Variants in KCNMA1 observed in about 807,000 individuals in gnomAD.
KCNMA1 encodes potassium calcium-activated channel subfamily M alpha 1, also known as Calcium-activated potassium channel subunit alpha-1.
A neutral mutation model predicts 140.0 loss-of-function variants in KCNMA1; 29 were observed. That is an observed-to-expected ratio of 0.21 (90% CI 0.15 to 0.28). The LOEUF (loss-of-function observed/expected upper bound fraction) is 0.28. Among genes scored for constraint, KCNMA1 ranks in the 10% least tolerant of loss-of-function variants. The probability of loss-of-function intolerance (pLI) is 1.00; values close to 1 mark genes in which losing one functional copy is unlikely to be tolerated. For missense variants in KCNMA1, 880 were observed against 1,602.2 expected, an observed-to-expected ratio of 0.55 and a Z score of 7.70; for synonymous variants, 612 against 611.9, an observed-to-expected ratio of 1.00 and a Z score of 0.00.
At chr10:76,997,287 T>G (rs1309100877) in intron 19 of KCNMA1, among the ~76,000 whole-genome samples, 3 of 152,214 alleles carry the variant, frequency 2.0e-5, no homozygotes, top group African/African-American at 7.2e-5. Flanking sequence ...ATAAAAGTCA[T>G]GTGTAATTTA....
chr10:77,296,171 G>A (rs1264296621), intron 2 of KCNMA1, among the ~76,000 whole-genome samples: 1 of 152,158 alleles, frequency 6.6e-6, no homozygotes, highest in Admixed American at 6.5e-5. Flanking sequence ...TTATCCAGGT[G>A]GGCCCACTGT....
At chr10:77,253,429 C>T (rs565983060) in intron 2 of KCNMA1, among the ~76,000 whole-genome samples, 6 of 152,338 alleles carry the variant, frequency 3.9e-5, no homozygotes, top group African/African-American at 1.2e-4. Context: ...AAATCTAAGA[C>T]CCCTGCAATG....
chr10:77,283,762 G>A (rs1313984919), intron 2 of KCNMA1, among the ~76,000 whole-genome samples: 1 of 152,162 alleles, frequency 6.6e-6, no homozygotes, highest in Non-Finnish European at 1.5e-5. Flanking sequence ...CTGCTTTCAG[G>A]GAACTTAACA....
At chr10:77,461,774 T>G (rs2097873763) in intron 1 of KCNMA1, among the ~76,000 whole-genome samples, 1 of 152,226 alleles carries the variant, frequency 6.6e-6, no homozygotes, top group African/African-American at 2.4e-5. Flanking sequence ...GTTGACCCTG[T>G]GTGCTTTGTC....
Position 77,018,994 on chromosome 10 carries a change from G to A in KCNMA1, c.2015+19C>T, listed in dbSNP as rs1435353853. ...TACAGCCGGGCCAGAAAGAAAGCCAGTTGAAAATAAACTCTTACCTTTTAA... is the reference window on the plus strand; with the variant it reads ...TACAGCCGGGCCAGAAAGAAAGCCAATTGAAAATAAACTCTTACCTTTTAA... On this transcript the variant is annotated intron_variant, in intron 17 of 27. Transcript: ENST00000286628. 1.4e-6 allele frequency: 2 copies of A among 1,435,316 alleles called. No individual in the cohort carries two copies. The highest frequency in any genetic ancestry group is 1.7e-5 in the Admixed American group (1 of 59,684). The allele number at this position is 1,435,316 out of a possible 1,614,324, so 88.9% of individuals were successfully genotyped here. A position where few individuals can be genotyped will look rare whatever the true frequency, so the allele number is the denominator to read the frequency against.
chr10:77,176,096 T>C (rs2098749550), intron 5 of KCNMA1, among the ~76,000 whole-genome samples: 2 of 152,108 alleles, frequency 1.3e-5, no homozygotes, highest in African/African-American at 4.8e-5. Flanking sequence ...CAGGTGGCCT[T>C]GGGCCCAGAT....
At chr10:77,239,691 C>T (rs955762134) in intron 3 of KCNMA1, among the ~76,000 whole-genome samples, 3 of 152,156 alleles carry the variant, frequency 2.0e-5, no homozygotes, top group Non-Finnish European at 2.9e-5. Flanking sequence ...TAAGCTCAGA[C>T]GCTACCTATC....
chr10:77,439,127 GAAGAGAAGAGAAGAGAAGAGAA>G (rs2097333043), intron 1 of KCNMA1, among the ~76,000 whole-genome samples: 1 of 145,596 alleles, frequency 6.9e-6, no homozygotes, highest in African/African-American at 2.6e-5. Context: ...GAAGAGAAGA[GAAGAGAAGAGAAGAGAAGAGAA>G]AAGAGAAGAG....
intron 1 of KCNMA1, among the ~76,000 whole-genome samples, chr10:77,513,530 C>G (rs2049182699): frequency 6.6e-6 from 1 of 152,108 alleles, no homozygotes; most frequent in South Asian, 2.1e-4. Flanking sequence ...GCTTTGCAAA[C>G]TGTAAAGTGC....
At chr10:77,137,893 C>T (rs1475728196) in intron 5 of KCNMA1, among the ~76,000 whole-genome samples, 3 of 152,196 alleles carry the variant, frequency 2.0e-5, no homozygotes, top group Admixed American at 1.3e-4. Flanking sequence ...GTGATCCTCC[C>T]GCCTCAGCCC....
At chr10:77,579,105 T>C (rs2075108871) in intron 1 of KCNMA1, among the ~76,000 whole-genome samples, 3 of 152,058 alleles carry the variant, frequency 2.0e-5, no homozygotes, top group Admixed American at 2.0e-4. Context: ...GGAAGCCTTC[T>C]TGGAGAAGGG....
In KCNMA1 at chr10:77,637,521, G is replaced by T; in HGVS notation, c.122C>A (p.Ser41Tyr). The T allele has an allele frequency of 1.3e-6, 2 of 1,563,900 alleles. No individual in the cohort carries two copies. The highest frequency in any genetic ancestry group is 1.7e-6 in the Non-Finnish European group (2 of 1,149,262). ...AGAAGAGGAAGAGGAGGAGGAGGAG[G>T]AGGAGGACGCGTCTAGGCTGAGATG... Reference protein sequence around the residue: ...ANHLSLDASSSSSSSSSSSSS... With the variant: ...ANHLSLDASSYSSSSSSSSSS... Residue 41 changes from serine (S) to tyrosine (Y), a missense_variant, in exon 1 of 28, where the codon TCC becomes TAC. Coordinates refer to ENST00000286628, the MANE Select transcript of KCNMA1 (RefSeq NM_001161352.2).
chr10:77,575,449 T>A (rs2073723553), intron 1 of KCNMA1, among the ~76,000 whole-genome samples: 1 of 152,214 alleles, frequency 6.6e-6, no homozygotes, highest in East Asian at 1.9e-4. Flanking sequence ...GGGCATCCAA[T>A]CCTGCCTCCT....
At chr10:76,896,885 A>G (rs771178636) in intron 25 of KCNMA1, among the ~76,000 whole-genome samples, 18 of 152,074 alleles carry the variant, frequency 1.2e-4, no homozygotes, top group Non-Finnish European at 2.5e-4. Flanking sequence ...TGAATCGTAC[A>G]CTTTAAATGG....
intron 2 of KCNMA1, among the ~76,000 whole-genome samples, chr10:77,255,249 A>G (rs2060474051): frequency 6.6e-6 from 1 of 152,218 alleles, no homozygotes; most frequent in Non-Finnish European, 1.5e-5. Flanking sequence ...AAACTCCAAG[A>G]TCAAACAAGA....
At chr10:77,571,210 T>A (rs1478204552) in intron 1 of KCNMA1, among the ~76,000 whole-genome samples, 3 of 152,218 alleles carry the variant, frequency 2.0e-5, no homozygotes, top group African/African-American at 7.2e-5. Flanking sequence ...TTCTTCTGTC[T>A]GTTGTTTCTG....
chr10:77,093,774 G>A (rs1249788139), intron 9 of KCNMA1, among the ~76,000 whole-genome samples: 1 of 152,194 alleles, frequency 6.6e-6, no homozygotes, highest in Non-Finnish European at 1.5e-5. Context: ...AGCAGGGTGT[G>A]ACCTCATTGG....
intron 19 of KCNMA1, chr10:76,974,288 G>A (rs1219290142): frequency 2.1e-5 from 11 of 514,934 alleles, no homozygotes; most frequent in Non-Finnish European, 3.8e-5. Flanking sequence ...GCCAGTTTGG[G>A]GGTGAGGTCG....
intron 1 of KCNMA1, among the ~76,000 whole-genome samples, chr10:77,479,349 G>C (rs17412609): frequency 1.3e-5 from 2 of 151,962 alleles, no homozygotes; most frequent in Non-Finnish European, 2.9e-5. Flanking sequence ...CAACAGATGC[G>C]GGATAAAATC....
Sources: gnomAD v4.1 joint callset for allele counts (sites outside exome capture counted in the v4.1 genomes callset) on GRCh38, gnomAD v4.1.1 for gene constraint, MANE v1.5 for transcripts, NCBI Gene and HGNC (gene_info 2026-07-23, HGNC 2026-07-21) for gene names.